Variants in TMEM132B observed in about 807,000 individuals in gnomAD.
TMEM132B encodes the protein transmembrane protein 132B.
TMEM132B carries 18 observed loss-of-function variants against 90.8 expected under a neutral mutation model. That is an observed-to-expected ratio of 0.20 (90% CI 0.14 to 0.29). The LOEUF is 0.29. Among genes scored for constraint, TMEM132B ranks in the 10% least tolerant of loss-of-function variants. The probability of loss-of-function intolerance (pLI) is 1.00; values close to 1 mark genes in which losing one functional copy is unlikely to be tolerated. For missense variants in TMEM132B, 1,096 were observed against 1,326.8 expected, an observed-to-expected ratio of 0.83 and a Z score of 2.70; for synonymous variants, 504 against 523.3, an observed-to-expected ratio of 0.96 and a Z score of 0.50.
chr12:125,581,048 C>T (rs933231676), intron 4 of TMEM132B, among the ~76,000 whole-genome samples: 2 of 152,120 alleles, frequency 1.3e-5, no homozygotes, highest in African/African-American at 4.8e-5. Context: ...ATGAAAATCT[C>T]AGCTACCCAT....
At chr12:125,484,807 G>A (rs1593169233) in intron 3 of TMEM132B, among the ~76,000 whole-genome samples, 2 of 152,028 alleles carry the variant, frequency 1.3e-5, no homozygotes, top group African/African-American at 4.8e-5. Context: ...GTCTCACCAC[G>A]TTGCCCAGGC....
Position 125,445,957 on chromosome 12 carries a change from A to C in TMEM132B, c.1106+30280A>C, listed in dbSNP as rs1214665221. ...GCAGGGAGACAGCTCTGGGGTGGGC[A>C]TCCCAGTGGAATTCTCTGCTATCCT... On this transcript the variant is annotated intron_variant, in intron 3 of 8. Coordinates refer to ENST00000682704, the MANE Select transcript of TMEM132B (RefSeq NM_001366854.1). This position sits in a 1 kb window ranked among gnomAD's most constrained non-coding sequence, Gnocchi z 4.3. 6.8e-6 allele frequency among the ~76,000 whole-genome samples: 1 copy of C among 146,470 alleles called. No homozygotes were observed. The highest frequency in any genetic ancestry group is 1.5e-5 in the Non-Finnish European group (1 of 66,280).
At chr12:125,496,720 T>C in intron 3 of TMEM132B, among the ~76,000 whole-genome samples, 1 of 152,204 alleles carries the variant, frequency 6.6e-6, no homozygotes, top group Non-Finnish European at 1.5e-5. Flanking sequence ...TCAGGTGCTC[T>C]TCACGTGCTG....
intron 1 of TMEM132B, among the ~76,000 whole-genome samples, chr12:125,289,527 C>T (rs1466183202): frequency 1.3e-5 from 2 of 152,182 alleles, no homozygotes; most frequent in Non-Finnish European, 1.5e-5. Context: ...ATGGGTTCTA[C>T]CCACCCCTGT....
intron 1 of TMEM132B, among the ~76,000 whole-genome samples, chr12:125,309,674 C>T (rs1370152917): frequency 6.6e-6 from 1 of 152,130 alleles, no homozygotes; most frequent in South Asian, 2.1e-4. Context: ...AAAGTCTGTC[C>T]TCTGGCTGAG....
At chr12:125,548,260 CA>C (rs1349850181) in intron 4 of TMEM132B, among the ~76,000 whole-genome samples, 53 of 152,252 alleles carry the variant, frequency 3.5e-4, no homozygotes, top group African/African-American at 1.3e-3. Context: ...TGTTAACAGT[CA>C]CAGGCCTCCC....
At chr12:125,511,791 G>A (rs988843193) in intron 3 of TMEM132B, among the ~76,000 whole-genome samples, 2 of 149,806 alleles carry the variant, frequency 1.3e-5, no homozygotes, top group Admixed American at 1.3e-4. Context: ...GGCGGAGCTT[G>A]CAGTGAGCCG....
intron 1 of TMEM132B, among the ~76,000 whole-genome samples, chr12:125,190,007 G>C (rs1331699519): frequency 6.6e-6 from 1 of 152,174 alleles, no homozygotes; most frequent in Non-Finnish European, 1.5e-5. Flanking sequence ...CTGGTACCGT[G>C]GGTGACGGGG....
chr12:125,189,944 A>C (rs1571885), intron 1 of TMEM132B, among the ~76,000 whole-genome samples: 4 of 151,924 alleles, frequency 2.6e-5, no homozygotes, highest in Non-Finnish European at 5.9e-5. Context: ...GAGGGGGTCC[A>C]TTTCCCCTGA....
intron 1 of TMEM132B, among the ~76,000 whole-genome samples, chr12:125,283,237 G>A (rs886321464): frequency 2.6e-5 from 4 of 152,084 alleles, no homozygotes; most frequent in African/African-American, 7.2e-5. Flanking sequence ...TTCTGGATTC[G>A]TACATATTAG....
At chr12:125,239,744 G>A (rs917539307) in intron 1 of TMEM132B, among the ~76,000 whole-genome samples, 6 of 152,230 alleles carry the variant, frequency 3.9e-5, no homozygotes, top group Non-Finnish European at 7.3e-5. Flanking sequence ...CCCGGCGAGC[G>A]CTGCCGTGGA....
chr12:125,642,463 C>T (rs1886657057), intron 5 of TMEM132B, among the ~76,000 whole-genome samples: 1 of 152,072 alleles, frequency 6.6e-6, no homozygotes, highest in African/African-American at 2.4e-5. Context: ...TAAAGAAATG[C>T]CATATTCAGC....
chr12:125,222,825 G>C (rs140424514), intron 1 of TMEM132B, among the ~76,000 whole-genome samples: 10 of 152,222 alleles, frequency 6.6e-5, no homozygotes, highest in Non-Finnish European at 1.3e-4. Context: ...TCTAGACATT[G>C]ACAAATGTCC....
rs564707032 is a variant in TMEM132B, at chr12:125,251,827, C to G, written c.67+64961C>G. Among the ~76,000 whole-genome samples the G allele has an allele frequency of 6.6e-6, 1 of 152,232 alleles. No homozygotes were observed. Among genetic ancestry groups the G allele is most frequent in the African/African-American group, 2.4e-5 (1 of 41,552 alleles). On this transcript the variant is annotated intron_variant, in intron 1 of 8. Transcript: ENST00000682704. The surrounding 1 kb of genome is among the most constrained non-coding windows in gnomAD (Gnocchi z 4.4). ...CATGTGAAATTTCCCAAGTTTATAA[C>G]GTTAATAATCATAATTTTAAAAATA...
chr12:125,300,133 C>T (rs1209263858), intron 1 of TMEM132B, among the ~76,000 whole-genome samples: 1 of 152,204 alleles, frequency 6.6e-6, no homozygotes, highest in Non-Finnish European at 1.5e-5. Flanking sequence ...TTCACGATCA[C>T]CCCACCTAAA....
At chr12:125,416,777 T>C (rs181267461) in intron 3 of TMEM132B, among the ~76,000 whole-genome samples, 290 of 152,330 alleles carry the variant, frequency 1.9e-3, no homozygotes, top group Admixed American at 3.7e-3. Flanking sequence ...CCTCTTACTC[T>C]AAACTCTACG....
rs769360222 is a variant in TMEM132B, at chr12:125,432,554, G to GAT, written c.1106+16878_1106+16879insTA. The stretch of plus-strand genomic sequence containing the variant: ...AGAGAGAGAGAGAGAGAGAGAGAGA[G>GAT]AGAGAGAGAGAGAAAGAGAGTGTTA... On this transcript the variant is annotated intron_variant, in intron 3 of 8. Coordinates refer to ENST00000682704, the MANE Select transcript of TMEM132B (RefSeq NM_001366854.1). Among the ~76,000 whole-genome samples, 60 of 72,780 alleles carry GAT rather than the reference G, an allele frequency of 8.2e-4. 18 individuals are homozygous for GAT. The highest frequency in any genetic ancestry group is 3.3e-3 in the East Asian group (8 of 2,446). 47.7% of individuals were successfully genotyped at this position (72,780 alleles called of 152,430 possible).
chr12:125,208,010 GC>G (rs1873222917), intron 1 of TMEM132B, among the ~76,000 whole-genome samples: 1 of 152,156 alleles, frequency 6.6e-6, no homozygotes, highest in African/African-American at 2.4e-5. Context: ...CCCGTGGCTA[GC>G]TAATGGCTAC....
chr12:125,218,278 CTTAAA>C (rs1047064809), intron 1 of TMEM132B, among the ~76,000 whole-genome samples: 1 of 151,896 alleles, frequency 6.6e-6, no homozygotes, highest in African/African-American at 2.4e-5. Flanking sequence ...CATTTTTTAA[CTTAAA>C]TTATATAATA....
Sources: allele counts gnomAD v4.1 joint callset (sites outside exome capture counted in the v4.1 genomes callset), GRCh38; gene constraint gnomAD v4.1.1; non-coding constraint Gnocchi (gnomAD v3.1); transcripts MANE v1.5; gene names NCBI Gene and HGNC (gene_info 2026-07-23, HGNC 2026-07-21).